PTPRG: variants seen among roughly 807,000 people sequenced by gnomAD.
PTPRG encodes the protein receptor-type tyrosine-protein phosphatase gamma.
In PTPRG, 102 loss-of-function variants were observed where a neutral mutation model predicts 165.3. The ratio of observed to expected loss-of-function variants is 0.62; its 90% CI spans 0.53 to 0.73. PTPRG has a LOEUF of 0.73. Ranked by LOEUF, PTPRG falls within the 30% of genes least tolerant of loss-of-function variation. The pLI, the probability that PTPRG is intolerant of heterozygous loss-of-function variation, is 0.00. For synonymous variants in PTPRG, 675 were observed against 669.5 expected, an observed-to-expected ratio of 1.01 and a Z score of -0.13; for missense variants, 1,866 against 1,861.4, an observed-to-expected ratio of 1.00 and a Z score of -0.05.
At chr3:62,087,168 A>T (rs924292417) in intron 5 of PTPRG, among the ~76,000 whole-genome samples, 1 of 152,214 alleles carries the variant, frequency 6.6e-6, no homozygotes, top group South Asian at 2.1e-4. Context: ...TAACCTTACT[A>T]TGACAGATGA....
At chr3:61,833,802 C>T (rs530487404) in intron 2 of PTPRG, among the ~76,000 whole-genome samples, 44 of 152,232 alleles carry the variant, frequency 2.9e-4, no homozygotes, top group Non-Finnish European at 5.9e-4. Context: ...TGAGCTAAGG[C>T]AGTGTGCCCG....
intron 5 of PTPRG, among the ~76,000 whole-genome samples, chr3:62,120,448 G>A (rs1346071430): frequency 6.6e-6 from 1 of 152,208 alleles, no homozygotes; most frequent in Non-Finnish European, 1.5e-5. Context: ...TGTTAAAATT[G>A]TATTAAAATA....
intron 5 of PTPRG, among the ~76,000 whole-genome samples, chr3:62,121,592 A>T (rs1483356850): frequency 1.3e-5 from 2 of 152,080 alleles, no homozygotes; most frequent in East Asian, 3.9e-4. Context: ...CCTACAGGGG[A>T]TCCATCTGCA....
At chr3:61,995,084 CTTTTTTT>C (rs761499179) in intron 3 of PTPRG, among the ~76,000 whole-genome samples, 3 of 35,406 alleles carry the variant, frequency 8.5e-5, no homozygotes, top group South Asian at 8.6e-4. Flanking sequence ...TTCTTTCTTT[CTTTTTTT>C]TTTTTTTTTT....
At chr3:61,913,990 T>C (rs2107546013) in intron 2 of PTPRG, among the ~76,000 whole-genome samples, 1 of 152,258 alleles carries the variant, frequency 6.6e-6, no homozygotes, top group South Asian at 2.1e-4. Flanking sequence ...TTCAGTGTTA[T>C]AACAAAAGGA....
rs1182085323 is a variant in PTPRG at position 61,777,759 on chromosome 3, C to A, written c.190+28777C>A. Among the ~76,000 whole-genome samples the A allele has an allele frequency of 5.9e-5, 9 of 152,054 alleles. No individual in the cohort carries two copies. In the East Asian group the frequency reaches 1.5e-3, roughly 26 times the overall value. ...TTTTATGGGCCCTCAGTGGGGAGGC[C>A]ATTTGTGGTTGATCTGTTTCTAGAT... On this transcript the variant is annotated intron_variant, in intron 2 of 29. Coordinates refer to ENST00000474889, the MANE Select transcript of PTPRG (RefSeq NM_002841.4).
At chr3:61,841,050 G>A (rs537012377) in intron 2 of PTPRG, among the ~76,000 whole-genome samples, 10 of 152,208 alleles carry the variant, frequency 6.6e-5, no homozygotes, top group South Asian at 2.1e-4. Context: ...CCAAAGTGCT[G>A]GGATTACAGA....
intron 2 of PTPRG, among the ~76,000 whole-genome samples, chr3:61,963,840 G>A (rs764650350): frequency 6.6e-6 from 1 of 151,846 alleles, no homozygotes; most frequent in Non-Finnish European, 1.5e-5. Flanking sequence ...AATACTAAAG[G>A]AATGCTTGTT....
chr3:61,785,233 C>G (rs989423417), intron 2 of PTPRG, among the ~76,000 whole-genome samples: 1 of 152,124 alleles, frequency 6.6e-6, no homozygotes, highest in Non-Finnish European at 1.5e-5. Flanking sequence ...GAGGACAATT[C>G]AGGAGATATA....
chr3:62,040,247 A>G (rs1273905597), intron 4 of PTPRG, among the ~76,000 whole-genome samples: 17 of 152,224 alleles, frequency 1.1e-4, no homozygotes, highest in Admixed American at 5.2e-4. Flanking sequence ...AATTGGAGAC[A>G]ATTTCTGCCC....
intron 1 of PTPRG, among the ~76,000 whole-genome samples, chr3:61,709,901 G>A (rs1046814061): frequency 1.3e-5 from 2 of 152,154 alleles, no homozygotes; most frequent in African/African-American, 2.4e-5. Context: ...AACATAGATT[G>A]CTGGGCCTTA....
intron 1 of PTPRG, among the ~76,000 whole-genome samples, chr3:61,633,489 C>T (rs1444308373): frequency 6.6e-6 from 1 of 152,122 alleles, no homozygotes; most frequent in East Asian, 1.9e-4. Flanking sequence ...TTGGATTGTT[C>T]ATTGCTAATG....
intron 1 of PTPRG, among the ~76,000 whole-genome samples, chr3:61,573,418 A>G (rs1008729093): frequency 6.6e-6 from 1 of 152,174 alleles, no homozygotes; most frequent in Admixed American, 6.5e-5. Context: ...TGATAGAAAT[A>G]GTGCACATTT....
chr3:62,101,739 TTTC>T (rs2106828157), intron 5 of PTPRG, among the ~76,000 whole-genome samples: 1 of 152,302 alleles, frequency 6.6e-6, no homozygotes, highest in East Asian at 1.9e-4. Context: ...TGCTGATTGA[TTTC>T]TTCTCCTGTG....
intron 2 of PTPRG, among the ~76,000 whole-genome samples, chr3:61,756,416 C>A (rs2033635867): frequency 6.6e-6 from 1 of 152,172 alleles, no homozygotes. Context: ...TATGGTCACA[C>A]ACTAATCAGA....
chr3:61,756,676 A>G (rs1258382950), intron 2 of PTPRG, among the ~76,000 whole-genome samples: 4 of 152,206 alleles, frequency 2.6e-5, no homozygotes, highest in South Asian at 2.1e-4. Flanking sequence ...ATGCATTAAT[A>G]TATTATCAGA....
intron 8 of PTPRG, among the ~76,000 whole-genome samples, chr3:62,181,187 AG>A (rs1475914314): frequency 1.3e-5 from 2 of 152,326 alleles, no homozygotes; most frequent in Admixed American, 6.5e-5. Context: ...CCTAGCACTT[AG>A]GAGAATCTGG....
At chr3:62,031,953 A>C (rs529446918) in intron 4 of PTPRG, among the ~76,000 whole-genome samples, 1 of 152,336 alleles carries the variant, frequency 6.6e-6, no homozygotes, top group South Asian at 2.1e-4. Flanking sequence ...TGTCTAAGAA[A>C]CCAGTTGGTT....
At chr3:61,827,581 T>C (rs2036148859) in intron 2 of PTPRG, among the ~76,000 whole-genome samples, 1 of 152,194 alleles carries the variant, frequency 6.6e-6, no homozygotes, top group Non-Finnish European at 1.5e-5. Flanking sequence ...GAAATGCCCC[T>C]GGCTGTAGTC....
Sources: gnomAD v4.1 joint callset for allele counts (sites outside exome capture counted in the v4.1 genomes callset) on GRCh38, gnomAD v4.1.1 for gene constraint, MANE v1.5 for transcripts, NCBI Gene and HGNC (gene_info 2026-07-23, HGNC 2026-07-21) for gene names.